NPEPPS: variants seen among roughly 807,000 people sequenced by gnomAD.
The protein encoded by NPEPPS is aminopeptidase puromycin sensitive, also known as puromycin-sensitive aminopeptidase.
NPEPPS carries 14 observed loss-of-function variants against 115.5 expected under a neutral mutation model. The observed-to-expected ratio is 0.12, with a 90% CI of 0.08 to 0.19. NPEPPS has a LOEUF of 0.19. NPEPPS is among the 10% of genes least tolerant of loss of function. The pLI is 1.00. For missense variants in NPEPPS, 523 were observed against 1,110.8 expected, an observed-to-expected ratio of 0.47 and a Z score of 7.52; for synonymous variants, 285 against 390.6, an observed-to-expected ratio of 0.73 and a Z score of 3.19.
At chr17:47,603,855 A>G (rs1913375407) in intron 15 of NPEPPS, 60 bp from the exon 16 acceptor site, 1 of 1,489,886 alleles carries the variant, frequency 6.7e-7, no homozygotes, top group South Asian at 1.2e-5. Context: ...TAAACATACA[A>G]AAGGTTGATT....
intron 13 of NPEPPS, among the ~76,000 whole-genome samples, chr17:47,596,668 T>C (rs1912895409): frequency 6.6e-6 from 1 of 152,258 alleles, no homozygotes; most frequent in Admixed American, 6.5e-5. Context: ...TTGTCTAGTC[T>C]CCAGGGAAAA....
In NPEPPS at chr17:47,613,671, C is replaced by G. The variant is rs1489538698; in HGVS notation, c.2241C>G (p.Val747=). 1 of 1,609,468 alleles carries G rather than the reference C, an allele frequency of 6.2e-7. No individual in the cohort carries two copies. Among genetic ancestry groups the G allele is most frequent in the Admixed American group, 1.7e-5 (1 of 59,924 alleles). Residue 747 remains valine (V), a splice_region_variant and synonymous_variant, in exon 19 of 23, where the codon GTC becomes GTG. Transcript: ENST00000322157. ...GACTTATTTTTTGTCCCTTGTAGGT[C>G]TATCTGACTGTTTTGAAGCATGGTG... ...QILSADLRSP[V]YLTVLKHGDG...
chr17:47,597,447 A>G (rs1487249211), intron 13 of NPEPPS, among the ~76,000 whole-genome samples: 1 of 152,186 alleles, frequency 6.6e-6, no homozygotes, highest in Non-Finnish European at 1.5e-5. Context: ...TTTTTAGGGA[A>G]GTGGATTCAT....
At chr17:47,522,963 C>T (rs1022185859) in exon 1 of NPEPPS, 69 of 1,474,632 alleles carry the variant, frequency 4.7e-5, no homozygotes, top group African/African-American at 2.6e-4. Flanking sequence ...TTTTAAGTTA[C>T]GGAAGAGTCA....
intron 1 of NPEPPS, among the ~76,000 whole-genome samples, chr17:47,532,488 T>C (rs1171685078): frequency 2.6e-5 from 4 of 151,846 alleles, no homozygotes; most frequent in Admixed American, 1.3e-4. Flanking sequence ...CCCCCGTCTC[T>C]ACTAAAAATA....
chr17:47,595,719 A>AT (rs898874738), intron 12 of NPEPPS, among the ~76,000 whole-genome samples: 1 of 151,980 alleles, frequency 6.6e-6, no homozygotes, highest in African/African-American at 2.4e-5. Flanking sequence ...GCGGTGGCTC[A>AT]TGCCTGTAAT....
intron 12 of NPEPPS, among the ~76,000 whole-genome samples, chr17:47,594,107 A>G (rs1185136002): frequency 6.6e-6 from 1 of 152,116 alleles, no homozygotes; most frequent in Non-Finnish European, 1.5e-5. Flanking sequence ...GTGAGCTGTG[A>G]TTGGGCCACT....
intron 3 of NPEPPS, among the ~76,000 whole-genome samples, chr17:47,578,846 T>C (rs1224179352): frequency 6.6e-6 from 1 of 152,218 alleles, no homozygotes; most frequent in East Asian, 1.9e-4. Context: ...CATTTCTCTT[T>C]CTATGCATGA....
At chr17:47,560,270 A>C (rs1910343340) in intron 2 of NPEPPS, among the ~76,000 whole-genome samples, 1 of 152,146 alleles carries the variant, frequency 6.6e-6, no homozygotes, top group Non-Finnish European at 1.5e-5. Flanking sequence ...CTGTAAGACC[A>C]CTTAATCAAT....
chr17:47,527,839 C>CT (rs1172760765), upstream of NPEPPS, among the ~76,000 whole-genome samples: 1 of 151,594 alleles, frequency 6.6e-6, no homozygotes, highest in African/African-American at 2.4e-5. Flanking sequence ...ATCCCAGCTA[C>CT]TTAGGAGGCT....
chr17:47,567,018 A>G (rs1910865698), intron 2 of NPEPPS, among the ~76,000 whole-genome samples: 1 of 152,098 alleles, frequency 6.6e-6, no homozygotes. Flanking sequence ...TGGGAAAGGT[A>G]GCAGTGAGTT....
intron 1 of NPEPPS, among the ~76,000 whole-genome samples, chr17:47,536,652 C>G (rs1276177060): frequency 1.3e-5 from 2 of 151,120 alleles, no homozygotes; most frequent in African/African-American, 4.9e-5. Flanking sequence ...ACCTCAGCCT[C>G]CCAAAGTGCT....
At chr17:47,560,514 G>C (rs528184338) in intron 2 of NPEPPS, among the ~76,000 whole-genome samples, 1 of 152,276 alleles carries the variant, frequency 6.6e-6, no homozygotes, top group East Asian at 1.9e-4. Context: ...GGTACTGCTT[G>C]AACTGTAACT....
At chr17:47,570,043 C>A (rs1421008501) in intron 3 of NPEPPS, among the ~76,000 whole-genome samples, 1 of 152,190 alleles carries the variant, frequency 6.6e-6, no homozygotes, top group Non-Finnish European at 1.5e-5. Flanking sequence ...TTTAAACGAA[C>A]AAGCCAAGAA....
At chr17:47,600,202 G>A (rs1370911152) in intron 14 of NPEPPS, among the ~76,000 whole-genome samples, 2 of 152,140 alleles carry the variant, frequency 1.3e-5, no homozygotes, top group East Asian at 1.9e-4. Flanking sequence ...GGGAGGCCAA[G>A]GTGGTCAGAT....
At chr17:47,542,643 A>G (rs1908851435) in intron 1 of NPEPPS, among the ~76,000 whole-genome samples, 1 of 151,870 alleles carries the variant, frequency 6.6e-6, no homozygotes, top group African/African-American at 2.4e-5. Context: ...AATGGCTACC[A>G]TCTCCTCCTT....
At chr17:47,546,660 C>T (rs987296310) in intron 2 of NPEPPS, among the ~76,000 whole-genome samples, 3 of 152,088 alleles carry the variant, frequency 2.0e-5, no homozygotes, top group African/African-American at 7.2e-5. Flanking sequence ...CTGCCTCAGC[C>T]TCCTGAGTGG....
At chr17:47,582,962 G>C in intron 5 of NPEPPS, 113 bp downstream of exon 5, 2 of 534,272 alleles carry the variant, frequency 3.7e-6, no homozygotes, top group Non-Finnish European at 6.6e-6. Flanking sequence ...TATATTATAG[G>C]AACATAAATA....
chr17:47,587,997 CA>C (rs1480725509), intron 9 of NPEPPS, among the ~76,000 whole-genome samples: 1 of 151,108 alleles, frequency 6.6e-6, no homozygotes, highest in African/African-American at 2.4e-5. Context: ...AGCTTGGGAG[CA>C]CAGGATTTAA....
Sources: allele counts gnomAD v4.1 joint callset (sites outside exome capture counted in the v4.1 genomes callset), GRCh38; gene constraint gnomAD v4.1.1; transcripts MANE v1.5; gene names NCBI Gene and HGNC (gene_info 2026-07-23, HGNC 2026-07-21).